The following KCNA6 variants were observed in gnomAD, a reference collection of about 807,000 sequenced individuals.
The protein encoded by KCNA6 is human brain potassium channel-2.
Under a neutral mutation model 29.5 loss-of-function variants are expected in KCNA6, and 17 were observed. That is an observed-to-expected ratio of 0.58 (90% CI 0.39 to 0.86). The LOEUF (loss-of-function observed/expected upper bound fraction) is 0.86. Among genes scored for constraint, KCNA6 ranks in the 40% least tolerant of loss-of-function variants. The pLI, the probability that KCNA6 is intolerant of heterozygous loss-of-function variation, is 0.00. For synonymous variants in KCNA6, 296 were observed against 304.7 expected (o/e 0.97, Z 0.30); for missense variants, 450 against 703.4 (o/e 0.64, Z 4.07).
chr12:4,813,275 A>G (rs1020019820), exon 1 of KCNA6: 3 of 166,530 alleles, frequency 1.8e-5, no homozygotes, highest in Non-Finnish European at 4.4e-5. Context: ...GTCCACAGTC[A>G]CTCTTTGTGC....
At chr12:4,818,573 G>A in the KCNA6 span, among the ~76,000 whole-genome samples, 5 of 152,296 alleles carry the variant, frequency 3.3e-5, no homozygotes, top group Non-Finnish European at 7.4e-5. Flanking sequence ...GGTAGGCTAG[G>A]CTTTGTTTTT....
chr12:4,812,955 A>G (rs1591591189), exon 1 of KCNA6: 1 of 167,092 alleles, frequency 6.0e-6, no homozygotes, highest in Non-Finnish European at 1.5e-5. Context: ...ACTGCCATCT[A>G]TCCACCTGCC....
chr12:4,837,119 C>T, the KCNA6 span, among the ~76,000 whole-genome samples: 3 of 152,092 alleles, frequency 2.0e-5, no homozygotes, highest in Non-Finnish European at 4.4e-5. Flanking sequence ...TCATCAATGG[C>T]CAGTGGTTAA....
At chr12:4,830,449 C>T in the KCNA6 span, among the ~76,000 whole-genome samples, 3 of 152,226 alleles carry the variant, frequency 2.0e-5, no homozygotes, top group African/African-American at 7.2e-5. Flanking sequence ...TCCTGGGAGG[C>T]GGCTGTGTGG....
At chr12:4,815,665 G>A (rs145254115), downstream of KCNA6, among the ~76,000 whole-genome samples, 16 of 152,332 alleles carry the variant, frequency 1.1e-4, no homozygotes, top group Admixed American at 9.8e-4. Context: ...CTTTAGAACT[G>A]CCCTTAATTC....
chr12:4,833,124 T>G, the KCNA6 span, among the ~76,000 whole-genome samples: 1 of 152,184 alleles, frequency 6.6e-6, no homozygotes, highest in African/African-American at 2.4e-5. Context: ...AAGGACAGCT[T>G]CAGGATTCGT....
the KCNA6 span, among the ~76,000 whole-genome samples, chr12:4,846,975 G>A: frequency 1.3e-5 from 2 of 150,572 alleles, no homozygotes; most frequent in African/African-American, 4.9e-5. Flanking sequence ...TAGTAGAGAC[G>A]GGGTTTCATC....
chr12:4,827,954 A>G, the KCNA6 span, among the ~76,000 whole-genome samples: 1 of 152,168 alleles, frequency 6.6e-6, no homozygotes, highest in Non-Finnish European at 1.5e-5. Context: ...TGAACGCTTT[A>G]TTTTCAGACT....
At chr12:4,816,231 T>C (rs1159735376), downstream of KCNA6, among the ~76,000 whole-genome samples, 1 of 150,302 alleles carries the variant, frequency 6.7e-6, no homozygotes, top group Non-Finnish European at 1.5e-5. Flanking sequence ...TTGCTATTCA[T>C]GCACAATACC....
chr12:4,823,067 G>A, the KCNA6 span, among the ~76,000 whole-genome samples: 1 of 152,190 alleles, frequency 6.6e-6, no homozygotes, highest in Non-Finnish European at 1.5e-5. Flanking sequence ...TGTTCAGTCA[G>A]GTTGGGATTA....
the KCNA6 span, among the ~76,000 whole-genome samples, chr12:4,845,050 G>C: frequency 6.6e-6 from 1 of 152,058 alleles, no homozygotes; most frequent in African/African-American, 2.4e-5. Flanking sequence ...CTTCCATTGC[G>C]GAAGCTTCCC....
At chr12:4,818,311 G>A (rs11063348), downstream of KCNA6, among the ~76,000 whole-genome samples, 5,368 of 152,282 alleles carry the variant, frequency 0.035, 143 homozygotes, top group Non-Finnish European at 0.054. Context: ...GACATCGTGC[G>A]ATTTAACAAA....
the KCNA6 span, among the ~76,000 whole-genome samples, chr12:4,847,308 G>A: frequency 4.3e-4 from 65 of 151,850 alleles, no homozygotes; most frequent in Non-Finnish European, 6.9e-4. Context: ...GGGCACTCTG[G>A]GTCTGGAAAT....
downstream of KCNA6, among the ~76,000 whole-genome samples, chr12:4,815,820 G>T (rs1451596295): frequency 6.6e-6 from 1 of 152,212 alleles, no homozygotes; most frequent in Non-Finnish European, 1.5e-5. Flanking sequence ...TCCGCAAGGA[G>T]AATTGATGGT....
Position 4,810,273 on chromosome 12 carries a change from G to C in KCNA6, c.232G>C (p.Asp78His). ...CCCTGGCCGGCGAGTCCGCTTCTTC[G>C]ACCCCCTGAGGAACGAGTACTTCTT... The change falls in exon 1 of 1, where the codon GAC becomes CAC. Residue 78 changes from aspartate to histidine, a missense_variant. Coordinates refer to ENST00000280684, the Ensembl canonical transcript of KCNA6. This position sits in a 1 kb window ranked among gnomAD's most constrained non-coding sequence, Gnocchi z 7.5. 1 of 1,613,960 alleles carries C rather than the reference G, an allele frequency of 6.2e-7. No individual in the cohort carries two copies. The highest frequency in any genetic ancestry group is 8.5e-7 in the Non-Finnish European group (1 of 1,180,034).
chr12:4,846,416 TTTA>T, the KCNA6 span, among the ~76,000 whole-genome samples: 1 of 152,214 alleles, frequency 6.6e-6, no homozygotes, highest in South Asian at 2.1e-4. Flanking sequence ...AAATGACATA[TTTA>T]TTAGTTCAGT....
chr12:4,817,719 T>A (rs1009953994), downstream of KCNA6, among the ~76,000 whole-genome samples: 5 of 152,196 alleles, frequency 3.3e-5, no homozygotes, highest in African/African-American at 1.2e-4. Flanking sequence ...TTGACCTGTT[T>A]GGGGACTAGT....
chr12:4,841,670 A>G, the KCNA6 span, among the ~76,000 whole-genome samples: 1 of 152,232 alleles, frequency 6.6e-6, no homozygotes, highest in African/African-American at 2.4e-5. Flanking sequence ...AAACTCATAC[A>G]ACACATGATC....
chr12:4,831,790 C>T, the KCNA6 span, among the ~76,000 whole-genome samples: 2 of 152,104 alleles, frequency 1.3e-5, no homozygotes, highest in East Asian at 3.9e-4. Context: ...AATGATAGTT[C>T]TTGCATACTA....
Sources: allele counts gnomAD v4.1 joint callset (sites outside exome capture counted in the v4.1 genomes callset), GRCh38; gene constraint gnomAD v4.1.1; non-coding constraint Gnocchi (gnomAD v3.1); transcripts MANE v1.5; gene names NCBI Gene and HGNC (gene_info 2026-07-23, HGNC 2026-07-21).